The following MMP16 variants were observed in gnomAD, a reference collection of about 807,000 sequenced individuals.
MMP16 encodes the protein matrix metalloproteinase-16.
In MMP16, 12 loss-of-function variants were observed where a neutral mutation model predicts 67.8. That is an observed-to-expected ratio of 0.18 (90% confidence interval 0.11 to 0.29). The LOEUF (loss-of-function observed/expected upper bound fraction) is 0.29. Among genes scored for constraint, MMP16 ranks in the 10% least tolerant of loss-of-function variants. The pLI is 1.00. For missense variants in MMP16, 475 were observed against 765.7 expected, an observed-to-expected ratio of 0.62 and a Z score of 4.48; for synonymous variants, 249 against 255.9, an observed-to-expected ratio of 0.97 and a Z score of 0.26.
intron 1 of MMP16, among the ~76,000 whole-genome samples, chr8:88,261,921 G>A (rs143591429): frequency 6.6e-6 from 1 of 152,106 alleles, no homozygotes; most frequent in African/African-American, 2.4e-5. Flanking sequence ...ACCCCATGAG[G>A]TTATAAATAA....
intron 7 of MMP16, among the ~76,000 whole-genome samples, chr8:88,059,049 G>A (rs1404074137): frequency 6.6e-6 from 1 of 152,042 alleles, no homozygotes; most frequent in East Asian, 1.9e-4. Context: ...AAGGTGAATG[G>A]GCTGTTGGAA....
intron 1 of MMP16, among the ~76,000 whole-genome samples, chr8:88,232,172 A>G (rs958676379): frequency 1.3e-5 from 2 of 152,250 alleles, no homozygotes; most frequent in African/African-American, 4.8e-5. Flanking sequence ...AAACCTTGAT[A>G]GATATTTAAT....
intron 3 of MMP16, among the ~76,000 whole-genome samples, chr8:88,183,141 T>C (rs1011753111): frequency 1.3e-5 from 2 of 152,166 alleles, no homozygotes; most frequent in African/African-American, 4.8e-5. Context: ...GGTAGATAAA[T>C]GACATTATAC....
chr8:88,120,439 C>T (rs1038672031), intron 4 of MMP16, among the ~76,000 whole-genome samples: 2 of 151,818 alleles, frequency 1.3e-5, no homozygotes, highest in Non-Finnish European at 2.9e-5. Context: ...ATCTGATAAC[C>T]ATGTGGCTTA....
At chr8:88,184,614 G>A (rs1450616434) in intron 3 of MMP16, among the ~76,000 whole-genome samples, 6 of 134,722 alleles carry the variant, frequency 4.5e-5, no homozygotes, top group African/African-American at 1.7e-4. Flanking sequence ...GGGCATGGTC[G>A]TGCACACCTA....
chr8:88,076,194 G>A (rs751192178), intron 6 of MMP16, among the ~76,000 whole-genome samples: 62 of 152,016 alleles, frequency 4.1e-4, no homozygotes, highest in Non-Finnish European at 5.9e-4. Context: ...TTGTTCTGTC[G>A]CCTAACAACT....
chr8:88,114,536 C>T (rs532056564), intron 6 of MMP16, among the ~76,000 whole-genome samples: 1 of 151,834 alleles, frequency 6.6e-6, no homozygotes, highest in Admixed American at 6.6e-5. Context: ...TTCTTGATGC[C>T]TAGGAAAGTA....
intron 7 of MMP16, among the ~76,000 whole-genome samples, chr8:88,066,891 C>A (rs950579241): frequency 1.3e-5 from 2 of 151,846 alleles, no homozygotes; most frequent in East Asian, 3.9e-4. Context: ...TGAGAAATTA[C>A]AGAGCAAAAA....
At chr8:88,321,436 A>AT (rs1461761888) in intron 1 of MMP16, among the ~76,000 whole-genome samples, 1 of 152,148 alleles carries the variant, frequency 6.6e-6, no homozygotes, top group African/African-American at 2.4e-5. Flanking sequence ...ACTAAATTAT[A>AT]TTTTTTAAAT....
At chr8:88,091,657 C>T (rs2118346522) in intron 6 of MMP16, among the ~76,000 whole-genome samples, 1 of 151,760 alleles carries the variant, frequency 6.6e-6, no homozygotes, top group South Asian at 2.1e-4. Flanking sequence ...ATTAGTAGTC[C>T]AAAGGTATAA....
At chr8:88,207,315 A>AT (rs1586205163) in intron 1 of MMP16, among the ~76,000 whole-genome samples, 1 of 152,298 alleles carries the variant, frequency 6.6e-6, no homozygotes, top group East Asian at 1.9e-4. Context: ...TACTGTGATA[A>AT]TATCATAGCC....
At chr8:88,251,262 C>T (rs998674119) in intron 1 of MMP16, among the ~76,000 whole-genome samples, 1 of 151,756 alleles carries the variant, frequency 6.6e-6, no homozygotes, top group Non-Finnish European at 1.5e-5. Context: ...GCTACAGGAA[C>T]CAAAACAGCA....
chr8:88,274,003 T>A (rs1048166944), intron 1 of MMP16, among the ~76,000 whole-genome samples: 1 of 152,118 alleles, frequency 6.6e-6, no homozygotes, highest in African/African-American at 2.4e-5. Flanking sequence ...TCAACATTGC[T>A]AACGTTTATT....
intron 6 of MMP16, among the ~76,000 whole-genome samples, chr8:88,105,492 C>T (rs1586153986): frequency 6.6e-6 from 1 of 151,304 alleles, no homozygotes; most frequent in South Asian, 2.1e-4. Context: ...TAAACAAACA[C>T]AATATAATGT....
intron 1 of MMP16, among the ~76,000 whole-genome samples, chr8:88,282,829 T>C (rs933226096): frequency 2.0e-5 from 3 of 152,192 alleles, no homozygotes; most frequent in Non-Finnish European, 4.4e-5. Context: ...TAACATAGGG[T>C]ATTATATTAC....
chr8:88,222,078 C>T (rs1156356686), intron 1 of MMP16, among the ~76,000 whole-genome samples: 2 of 151,716 alleles, frequency 1.3e-5, no homozygotes, highest in Non-Finnish European at 2.9e-5. Context: ...ATAAAAATAG[C>T]ATTTTATTAT....
chr8:88,138,251 C>T (rs1451484203), intron 4 of MMP16, among the ~76,000 whole-genome samples: 4 of 151,838 alleles, frequency 2.6e-5, no homozygotes, highest in Admixed American at 2.0e-4. Context: ...CACCTGTGTC[C>T]TATTGGAGAC....
chr8:88,125,225 G>T lies in MMP16; in HGVS notation c.710-6364C>A, dbSNP rs138455704. 5.4e-5 allele frequency among the ~76,000 whole-genome samples: 8 copies of T among 148,818 alleles called. No individual in the cohort carries two copies. In the East Asian group the frequency reaches 1.6e-3, roughly 30 times the overall value. On this transcript the variant is annotated intron_variant, in intron 4 of 9. Coordinates refer to ENST00000286614, the MANE Select transcript of MMP16 (RefSeq NM_005941.5). ...TTTTACAAAATTAGAAAAAAAAACA[G>T]TATTGCTACAATTAGAAGAAATAAG...
At chr8:88,180,504 C>A (rs1472597655) in intron 3 of MMP16, among the ~76,000 whole-genome samples, 1 of 151,714 alleles carries the variant, frequency 6.6e-6, no homozygotes, top group Admixed American at 6.6e-5. Flanking sequence ...TAAGATATAG[C>A]AGATTTCATA....
Sources: gnomAD v4.1 joint callset for allele counts (sites outside exome capture counted in the v4.1 genomes callset) on GRCh38, gnomAD v4.1.1 for gene constraint, MANE v1.5 for transcripts, NCBI Gene and HGNC (gene_info 2026-07-23, HGNC 2026-07-21) for gene names.